EPB41L1: variants seen among roughly 807,000 people sequenced by gnomAD.
EPB41L1 encodes the protein band 4.1-like protein 1.
Under a neutral mutation model 97.8 loss-of-function variants are expected in EPB41L1, and 29 were observed. The ratio of observed to expected loss-of-function variants is 0.30; its 90% confidence interval spans 0.22 to 0.40. EPB41L1 has a LOEUF of 0.40. Ranked by LOEUF, EPB41L1 falls within the 10% of genes least tolerant of loss-of-function variation. The pLI is 1.00. For synonymous variants in EPB41L1, 383 were observed against 459.2 expected, an observed-to-expected ratio of 0.83 and a Z score of 2.12; for missense variants, 812 against 1,162.3, an observed-to-expected ratio of 0.70 and a Z score of 4.38.
chr20:36,190,429 A>G lies in EPB41L1; in HGVS notation c.1124+55A>G. 1 of 1,580,042 alleles carries G rather than the reference A, an allele frequency of 6.3e-7. No individual in the cohort carries two copies. The highest frequency in any genetic ancestry group is 8.7e-7 in the Non-Finnish European group (1 of 1,153,862). Reference sequence around the variant, plus strand: ...GATGGGGCAGAGGCCATGTGTATGGAGGGGAGCAGGGGGAGGAGTTAGTGA... The same window carrying G: ...GATGGGGCAGAGGCCATGTGTATGGGGGGGAGCAGGGGGAGGAGTTAGTGA... On this transcript the variant is annotated intron_variant, in intron 10 of 21. Coordinates refer to ENST00000338074, the MANE Select transcript of EPB41L1 (RefSeq NM_012156.2). The surrounding 1 kb of genome is among the most constrained non-coding windows in gnomAD (Gnocchi z 5.8).
intron 2 of EPB41L1, among the ~76,000 whole-genome samples, chr20:36,146,279 A>G (rs2059827397): frequency 6.6e-6 from 1 of 152,182 alleles, no homozygotes; most frequent in East Asian, 1.9e-4. Flanking sequence ...GACAAATCCC[A>G]CAAACCTTTG....
chr20:36,147,018 AC>A (rs1446676090), intron 2 of EPB41L1, among the ~76,000 whole-genome samples: 1 of 152,006 alleles, frequency 6.6e-6, no homozygotes, highest in East Asian at 1.9e-4. Context: ...ATGGTGGTGT[AC>A]ACCTGTAGTC....
chr20:36,210,513 C>G (rs572029076), intron 15 of EPB41L1, among the ~76,000 whole-genome samples: 1 of 152,190 alleles, frequency 6.6e-6, no homozygotes, highest in South Asian at 2.1e-4. Flanking sequence ...CTCTTCTAGA[C>G]CCAACCTCCC....
In EPB41L1 at chr20:36,154,812, G is replaced by A; in HGVS notation, c.-99G>A. On this transcript the variant is annotated 5_prime_UTR_variant, in exon 1 of 22. Coordinates refer to ENST00000338074, the MANE Select transcript of EPB41L1 (RefSeq NM_012156.2). The surrounding 1 kb of genome is among the most constrained non-coding windows in gnomAD (Gnocchi z 5.5). ...GCAGAGCCCGCCGCGACCCCGCGCC[G>A]CCCCGCCCCGCGGCCTGCCTGCCAG... The A allele has an allele frequency of 1.0e-6, 1 of 992,388 alleles. No homozygotes were observed. The highest frequency in any genetic ancestry group is 1.2e-6 in the Non-Finnish European group (1 of 834,368). The allele number at this position is 992,388 out of a possible 1,614,324, so 61.5% of individuals were successfully genotyped here.
intron 1 of EPB41L1, among the ~76,000 whole-genome samples, chr20:36,156,989 G>A (rs2060330203): frequency 6.6e-6 from 1 of 152,170 alleles, no homozygotes; most frequent in Non-Finnish European, 1.5e-5. Context: ...ACTTTGGGAG[G>A]ACGAGGCGGG....
chr20:36,210,868 TG>T (rs1473802386), intron 15 of EPB41L1, among the ~76,000 whole-genome samples: 3 of 152,168 alleles, frequency 2.0e-5, no homozygotes, highest in African/African-American at 4.8e-5. Context: ...GATGATTAAC[TG>T]GATGAATGGC....
At chr20:36,219,294 G>T (rs983412594) in intron 18 of EPB41L1, among the ~76,000 whole-genome samples, 2 of 152,200 alleles carry the variant, frequency 1.3e-5, no homozygotes, top group East Asian at 3.9e-4. Flanking sequence ...GAGGCCAGAG[G>T]CTTGGATTCT....
intron 1 of EPB41L1, among the ~76,000 whole-genome samples, chr20:36,170,209 T>C (rs960949475): frequency 2.0e-5 from 3 of 152,108 alleles, no homozygotes; most frequent in East Asian, 3.9e-4. Flanking sequence ...TTTTATCTCC[T>C]TCTCATACTG....
chr20:36,132,167 T>C (rs1042993921), intron 2 of EPB41L1, among the ~76,000 whole-genome samples: 19 of 152,078 alleles, frequency 1.2e-4, no homozygotes, highest in African/African-American at 4.3e-4. Flanking sequence ...AATGACCATA[T>C]ACTTAAAACA....
chr20:36,218,065 A>T (rs1282209358), intron 17 of EPB41L1, among the ~76,000 whole-genome samples: 1 of 152,156 alleles, frequency 6.6e-6, no homozygotes, highest in Non-Finnish European at 1.5e-5. Context: ...TAGCAATTAG[A>T]ATTTAAGGTA....
chr20:36,111,783 T>C (rs1320594641), intron 1 of EPB41L1, among the ~76,000 whole-genome samples: 1 of 108,290 alleles, frequency 9.2e-6, no homozygotes, highest in East Asian at 2.3e-4. Context: ...CGAGACTCTG[T>C]CTCAAAAAAA....
In EPB41L1 at chr20:36,188,637, CACACAGAGAG is replaced by C. The variant is rs1437659175; in HGVS notation, c.1026+140_1026+149del. On this transcript the variant is annotated intron_variant, in intron 9 of 21. Coordinates refer to ENST00000338074, the MANE Select transcript of EPB41L1 (RefSeq NM_012156.2). ...ACACACACACACACACACACACACA[CACACAGAGAG>C]AGAGAGAGAGAGAGAGAGAGAGGAG... 92 of 465,726 alleles carry C rather than the reference CACACAGAGAG, an allele frequency of 2.0e-4. No homozygotes were observed. In the African/African-American group the frequency reaches 2.3e-3, roughly 11 times the overall value. 28.8% of individuals were successfully genotyped at this position (465,726 alleles called of 1,614,324 possible).
intron 2 of EPB41L1, among the ~76,000 whole-genome samples, chr20:36,113,331 T>G (rs1200970904): frequency 6.6e-6 from 1 of 152,184 alleles, no homozygotes; most frequent in Non-Finnish European, 1.5e-5. Context: ...GGCTGTGATG[T>G]TGTCATTCTG....
chr20:36,200,025 A>G (rs1193754899), intron 14 of EPB41L1, among the ~76,000 whole-genome samples: 2 of 152,198 alleles, frequency 1.3e-5, no homozygotes, highest in African/African-American at 2.4e-5. Context: ...CACTGCTGGA[A>G]AGAACTATGG....
At chr20:36,167,732 TAAC>T (rs1299385177) in intron 1 of EPB41L1, among the ~76,000 whole-genome samples, 3 of 150,692 alleles carry the variant, frequency 2.0e-5, no homozygotes, top group East Asian at 1.9e-4. Flanking sequence ...ATAATAATAA[TAAC>T]AATAATAATA....
rs760867876 is a variant in EPB41L1, at chr20:36,209,444, TC to T, written c.1669-40del. 1.3e-6 allele frequency: 2 copies of T among 1,595,114 alleles called. No homozygotes were observed. The highest frequency in any genetic ancestry group is 4.5e-5 in the East Asian group (2 of 44,412). The stretch of plus-strand genomic sequence containing the variant: ...ATCTTGATTTCTCTTTCTCTCTCTC[TC>T]CCCACCCCACATCCCCATTCTTTTG... On this transcript the variant is annotated intron_variant, in intron 14 of 21. Transcript: ENST00000338074. This position sits in a 1 kb window ranked among gnomAD's most constrained non-coding sequence, Gnocchi z 4.2.
rs994606120 is a variant in EPB41L1 at position 36,230,481 on chromosome 20, T to C, written c.*1141T>C. The C allele has an allele frequency of 6.6e-6, 1 of 152,498 alleles. No homozygotes were observed. Among genetic ancestry groups the C allele is most frequent in the Non-Finnish European group, 1.5e-5 (1 of 68,080 alleles). 9.4% of individuals were successfully genotyped at this position (152,498 alleles called of 1,614,324 possible). ...GGGGCTGACGGGTTCAGTGTAGTAA[T>C]ACTGTGTGTGGTGTTTGTAATTGGT... On this transcript the variant is annotated 3_prime_UTR_variant, in exon 22 of 22. Transcript: ENST00000338074.
chr20:36,114,963 T>C (rs191638974), intron 2 of EPB41L1, among the ~76,000 whole-genome samples: 37 of 152,182 alleles, frequency 2.4e-4, no homozygotes, highest in Admixed American at 2.1e-3. Flanking sequence ...AGTGGAGCTC[T>C]AGGTTGTAAC....
chr20:36,188,043 A>T (rs577773907), intron 8 of EPB41L1, among the ~76,000 whole-genome samples: 2 of 152,262 alleles, frequency 1.3e-5, no homozygotes, highest in South Asian at 4.1e-4. Context: ...TATCCCTAGC[A>T]CCTGGCACAT....
Sources: allele counts gnomAD v4.1 joint callset (sites outside exome capture counted in the v4.1 genomes callset), GRCh38; gene constraint gnomAD v4.1.1; non-coding constraint Gnocchi (gnomAD v3.1); transcripts MANE v1.5; gene names NCBI Gene and HGNC (gene_info 2026-07-23, HGNC 2026-07-21).